FBN3: variants seen among roughly 807,000 people sequenced by gnomAD.
The protein encoded by FBN3 is fibrillin 3.
FBN3 carries 234 observed loss-of-function variants against 330.1 expected under a neutral mutation model. That is an observed-to-expected ratio of 0.71 (90% CI 0.64 to 0.79). The LOEUF is 0.79. Ranked by LOEUF, FBN3 falls within the 30% of genes least tolerant of loss-of-function variation. The pLI, the probability that FBN3 is intolerant of heterozygous loss-of-function variation, is 0.00. For missense variants in FBN3, 3,606 were observed against 3,886.9 expected (o/e 0.93, Z 1.92); for synonymous variants, 1,458 against 1,517.3 (o/e 0.96, Z 0.91).
At chr19:8,130,024 A>G (rs7255200) in intron 16 of FBN3, among the ~76,000 whole-genome samples, 132,456 of 151,732 alleles carry the variant, frequency 0.87, 58,519 homozygotes, top group Non-Finnish European at 0.94. Context: ...CAGCCCCCCA[A>G]GTAGCTGGGA....
intron 18 of FBN3, among the ~76,000 whole-genome samples, chr19:8,127,497 A>G (rs1313257343): frequency 1.3e-5 from 2 of 152,084 alleles, no homozygotes; most frequent in African/African-American, 2.4e-5. Context: ...TTCAATTCTG[A>G]CGCTTTCTGC....
intron 26 of FBN3, among the ~76,000 whole-genome samples, chr19:8,118,604 C>G (rs1235492783): frequency 7.2e-6 from 1 of 139,096 alleles, no homozygotes; most frequent in Non-Finnish European, 1.5e-5. Flanking sequence ...CAAACACTCC[C>G]CCTTGTACAG....
intron 42 of FBN3, 96 bp downstream of exon 42, chr19:8,097,193 G>T: frequency 6.6e-7 from 1 of 1,504,858 alleles, no homozygotes; most frequent in East Asian, 2.4e-5. Context: ...ACAGGGAAAT[G>T]GAGGCTTACA....
Position 8,131,718 on chromosome 19 carries a change from C to T in FBN3, c.1826G>A (p.Arg609His), listed in dbSNP as rs148221874. 3.1e-5 allele frequency: 50 copies of T among 1,613,792 alleles called. No individual in the cohort carries two copies. Among genetic ancestry groups the T allele is most frequent in the African/African-American group, 6.7e-5 (5 of 74,940 alleles). The change falls in exon 15 of 64, where the codon CGC becomes CAC. Residue 609 changes from arginine to histidine, a missense_variant. Physicochemically the swap from Arg to His is conservative, Grantham distance 29. Transcript: ENST00000600128. This position sits in a 1 kb window ranked among gnomAD's most constrained non-coding sequence, Gnocchi z 4.5. ...GCGCACGTGGGTGTCCACGCACACG[C>T]GGCCATCCGTGCCTACCGCCAGCCC... ...LGGLAVGTDG[R>H]VCVDTHVRST... is the part of the protein sequence containing the mutation.
rs1437633198 is a variant in FBN3, at chr19:8,121,653, G to A, written c.3083-267C>T. Among the ~76,000 whole-genome samples, 2 of 152,176 alleles carry A rather than the reference G, an allele frequency of 1.3e-5. No homozygotes were observed. Among genetic ancestry groups the A allele is most frequent in the Non-Finnish European group, 2.9e-5 (2 of 68,028 alleles). ...GAACCCCAAACTAAACATGACAAGG[G>A]CAGGCAGTTTTCTCACAGACGGGAG... On this transcript the variant is annotated intron_variant, in intron 24 of 63. Coordinates refer to ENST00000600128, the MANE Select transcript of FBN3 (RefSeq NM_032447.5). This position sits in a 1 kb window ranked among gnomAD's most constrained non-coding sequence, Gnocchi z 4.5.
intron 3 of FBN3, among the ~76,000 whole-genome samples, chr19:8,146,574 GACAGAA>G (rs1246645147): frequency 6.6e-6 from 1 of 152,112 alleles, no homozygotes; most frequent in Non-Finnish European, 1.5e-5. Flanking sequence ...AGATTCCAGA[GACAGAA>G]ACAGAAAGAG....
intron 46 of FBN3, 31 bp from the exon 47 acceptor site, chr19:8,094,596 C>A: frequency 6.2e-7 from 1 of 1,601,238 alleles, no homozygotes; most frequent in Non-Finnish European, 8.5e-7. Flanking sequence ...GGTCCTTGTG[C>A]CAGCCAGGAT....
At chr19:8,111,564 T>A in intron 32 of FBN3, 84 bp downstream of exon 32, 1 of 1,410,180 alleles carries the variant, frequency 7.1e-7, no homozygotes, top group Non-Finnish European at 9.6e-7. Context: ...AGTCAGGAGG[T>A]CGAGTGACCA....
In FBN3 at chr19:8,130,639, A is replaced by AGAAAG. The variant is rs375880055; in HGVS notation, c.2044+591_2044+595dup. On this transcript the variant is annotated intron_variant, in intron 16 of 63. Transcript: ENST00000600128. ...AAGAAAGAAAGAAAGAAAGAAAGAAAGAAAGGAAAGGAAAGGAAAGGAAAA... is the reference window on the plus strand; with the variant it reads ...AAGAAAGAAAGAAAGAAAGAAAGAAAGAAAGGAAAGGAAAGGAAAGGAAAGGAAAA... Among the ~76,000 whole-genome samples the AGAAAG allele has an allele frequency of 1.3e-3, 5 of 3,962 alleles. 2 individuals carry two copies. Among genetic ancestry groups the AGAAAG allele is most frequent in the South Asian group, 0.018 (2 of 110 alleles). 2.6% of individuals were successfully genotyped at this position (3,962 alleles called of 152,430 possible).
At chr19:8,145,168 G>C (rs1290708445) in intron 5 of FBN3, among the ~76,000 whole-genome samples, 196 bp from the exon 6 acceptor site, 2 of 152,070 alleles carry the variant, frequency 1.3e-5, no homozygotes, top group South Asian at 4.1e-4. Context: ...GAGGTCAGGG[G>C]TTCGAGACCA....
chr19:8,097,761 G>C (rs1476793559), intron 41 of FBN3, among the ~76,000 whole-genome samples: 1 of 152,232 alleles, frequency 6.6e-6, no homozygotes, highest in East Asian at 1.9e-4. Flanking sequence ...ACTGATGAAT[G>C]CAGAGCAAAA....
chr19:8,100,790 G>T, intron 41 of FBN3, 111 bp downstream of exon 41: 2 of 781,972 alleles, frequency 2.6e-6, no homozygotes, highest in South Asian at 1.5e-5. Flanking sequence ...AGGAGGAGGG[G>T]AGGATGGAGG....
chr19:8,129,143 C>G lies in FBN3; in HGVS notation c.2181G>C (p.Glu727Asp). The change falls in exon 18 of 64, where the codon GAG becomes GAC. Residue 727 changes from glutamate (E) to aspartate (D), a missense_variant. Physicochemically the swap from Glu to Asp is conservative, Grantham distance 45. Transcript: ENST00000600128. The surrounding 1 kb of genome is among the most constrained non-coding windows in gnomAD (Gnocchi z 4.5). ...ASGKDCTDVD[E>D]CALNSLLCDN... is the part of the protein sequence containing the mutation. ...CACACAGGAGGCTGTTGAGGGCACA[C>G]TCATCCACGTCTGTGGGGTGGGGGT... 1 of 1,612,646 alleles carries G rather than the reference C, an allele frequency of 6.2e-7. No homozygotes were observed. The highest frequency in any genetic ancestry group is 8.5e-7 in the Non-Finnish European group (1 of 1,179,774).
chr19:8,096,427 G>T lies in FBN3; in HGVS notation c.5539+17C>A. 5 of 1,607,290 alleles carry T rather than the reference G, an allele frequency of 3.1e-6. No homozygotes were observed. The highest frequency in any genetic ancestry group is 4.3e-6 in the Non-Finnish European group (5 of 1,176,072). ...GGCAGCCTGGCTTGAAAAGGAGGGG[G>T]AAGATAAGGGTCTCACCCATGCACA... On this transcript the variant is annotated intron_variant, in intron 44 of 63. Transcript: ENST00000600128. The surrounding 1 kb of genome is among the most constrained non-coding windows in gnomAD (Gnocchi z 4.6).
chr19:8,077,503 G>A (rs1018746230), intron 59 of FBN3, among the ~76,000 whole-genome samples: 3 of 152,126 alleles, frequency 2.0e-5, no homozygotes, highest in Non-Finnish European at 4.4e-5. Flanking sequence ...GCTGGATGTG[G>A]TGCTGCATGC....
intron 47 of FBN3, among the ~76,000 whole-genome samples, chr19:8,093,650 G>A (rs2082147611): frequency 6.6e-6 from 1 of 152,132 alleles, no homozygotes; most frequent in Non-Finnish European, 1.5e-5. Context: ...AGCCAGGCAT[G>A]GTGATGAGTG....
chr19:8,131,721 C>T lies in FBN3; in HGVS notation c.1823G>A (p.Gly608Asp). The change falls in exon 15 of 64, where the codon GGC becomes GAC. Residue 608 changes from glycine to aspartate, a missense_variant. Gly to Asp is a moderately conservative substitution (Grantham distance 94). Transcript: ENST00000600128. This position sits in a 1 kb window ranked among gnomAD's most constrained non-coding sequence, Gnocchi z 4.5. ...CLGGLAVGTD[G>D]RVCVDTHVRS... The stretch of plus-strand genomic sequence containing the variant: ...CACGTGGGTGTCCACGCACACGCGG[C>T]CATCCGTGCCTACCGCCAGCCCCCC... 1 of 1,613,824 alleles carries T rather than the reference C, an allele frequency of 6.2e-7. No individual in the cohort carries two copies. Among genetic ancestry groups the T allele is most frequent in the Non-Finnish European group, 8.5e-7 (1 of 1,179,948 alleles).
Position 8,065,730 on chromosome 19 carries a change from T to C in FBN3, c.*189A>G. 1 of 579,606 alleles carries C rather than the reference T, an allele frequency of 1.7e-6. No individual in the cohort carries two copies. Among genetic ancestry groups the C allele is most frequent in the South Asian group, 2.4e-5 (1 of 41,736 alleles). 35.9% of individuals were successfully genotyped at this position (579,606 alleles called of 1,614,324 possible). A position where few individuals can be genotyped will look rare whatever the true frequency, so the allele number is the denominator to read the frequency against. On this transcript the variant is annotated 3_prime_UTR_variant, in exon 64 of 64. Coordinates refer to ENST00000600128, the MANE Select transcript of FBN3 (RefSeq NM_032447.5). The stretch of plus-strand genomic sequence containing the variant: ...CTGTCTCCAGGAAAGACTGAGTAAC[T>C]GGGGGGCCCCCGGGGCTGGCACAGA...
In FBN3 at chr19:8,106,093, A is replaced by T; in HGVS notation, c.4813+15T>A. 1 of 1,613,848 alleles carries T rather than the reference A, an allele frequency of 6.2e-7. No individual in the cohort carries two copies. ...CGGAAGAGCCTGACCCACCCCAAAG[A>T]GAATCCATGCTCACCCTCACAGATG... On this transcript the variant is annotated intron_variant, in intron 38 of 63. Coordinates refer to ENST00000600128, the MANE Select transcript of FBN3 (RefSeq NM_032447.5).
Sources: allele counts gnomAD v4.1 joint callset (sites outside exome capture counted in the v4.1 genomes callset), GRCh38; gene constraint gnomAD v4.1.1; non-coding constraint Gnocchi (gnomAD v3.1); transcripts MANE v1.5; gene names NCBI Gene and HGNC (gene_info 2026-07-23, HGNC 2026-07-21).